Variants in SGCD observed in about 807,000 individuals in gnomAD.
The protein encoded by SGCD is sarcoglycan delta, also known as delta-sarcoglycan.
A neutral mutation model predicts 36.6 loss-of-function variants in SGCD; 18 were observed. That is an observed-to-expected ratio of 0.49 (90% CI 0.34 to 0.73). SGCD has a LOEUF of 0.73. SGCD is among the 30% of genes least tolerant of loss of function. The probability of loss-of-function intolerance (pLI) is 0.01; values close to 1 mark genes in which losing one functional copy is unlikely to be tolerated. For missense variants in SGCD, 387 were observed against 346.7 expected, an observed-to-expected ratio of 1.12 and a Z score of -0.92; for synonymous variants, 133 against 130.6, an observed-to-expected ratio of 1.02 and a Z score of -0.12.
chr5:156,115,249 G>A (rs1264498889), intron 1 of SGCD, among the ~76,000 whole-genome samples: 2 of 152,046 alleles, frequency 1.3e-5, no homozygotes, highest in African/African-American at 4.8e-5. Context: ...ACCCTGAGAG[G>A]AGGACTATTA....
chr5:156,142,372 C>A (rs189129276), intron 3 of SGCD, among the ~76,000 whole-genome samples: 2 of 152,154 alleles, frequency 1.3e-5, no homozygotes, highest in Non-Finnish European at 2.9e-5. Flanking sequence ...AAATTGGTAT[C>A]AAGAAGTGGG....
intron 1 of SGCD, among the ~76,000 whole-genome samples, chr5:156,110,041 G>A (rs1761747029): frequency 6.6e-6 from 1 of 152,054 alleles, no homozygotes; most frequent in African/African-American, 2.4e-5. Flanking sequence ...CTCTGCTTTG[G>A]GGGTCAGTGA....
At chr5:156,095,170 T>C (rs1169484417) in intron 1 of SGCD, among the ~76,000 whole-genome samples, 1 of 144,522 alleles carries the variant, frequency 6.9e-6, no homozygotes, top group Non-Finnish European at 1.5e-5. Context: ...CAGTCTGACT[T>C]TGCACAACCT....
intron 4 of SGCD, among the ~76,000 whole-genome samples, chr5:156,581,882 T>G (rs1760276892): frequency 6.6e-6 from 1 of 152,162 alleles, no homozygotes; most frequent in Non-Finnish European, 1.5e-5. Context: ...GCTTCCCTGG[T>G]GAGGCGATGC....
intron 1 of SGCD, among the ~76,000 whole-genome samples, chr5:156,025,866 G>A (rs1759216935): frequency 6.6e-6 from 1 of 152,208 alleles, no homozygotes; most frequent in South Asian, 2.1e-4. Flanking sequence ...CCATCTGGTG[G>A]TAGTTTTGTT....
At chr5:156,211,110 T>G (rs1047669058) in intron 3 of SGCD, among the ~76,000 whole-genome samples, 3 of 152,082 alleles carry the variant, frequency 2.0e-5, no homozygotes. Context: ...AGCAGATTTC[T>G]CAGCAGAAAT....
chr5:156,379,001 T>C (rs1206031280), intron 3 of SGCD, among the ~76,000 whole-genome samples: 1 of 152,198 alleles, frequency 6.6e-6, no homozygotes, highest in Non-Finnish European at 1.5e-5. Context: ...AATGTTTGCA[T>C]CTACTTCCAT....
intron 1 of SGCD, among the ~76,000 whole-genome samples, chr5:156,075,853 A>G (rs1015219541): frequency 1.3e-5 from 2 of 152,166 alleles, no homozygotes; most frequent in Admixed American, 1.3e-4. Context: ...ATCATTTTCT[A>G]CTTGCAGCTC....
At chr5:156,421,287 T>C (rs563026748) in intron 3 of SGCD, among the ~76,000 whole-genome samples, 1 of 152,208 alleles carries the variant, frequency 6.6e-6, no homozygotes, top group Non-Finnish European at 1.5e-5. Flanking sequence ...AAGGATTTTC[T>C]CTTAGATCGT....
chr5:155,932,533 A>G (rs972516265), intron 1 of SGCD, among the ~76,000 whole-genome samples: 1 of 152,208 alleles, frequency 6.6e-6, no homozygotes, highest in Non-Finnish European at 1.5e-5. Context: ...GTTTTAGTTC[A>G]TAGATACTTT....
chr5:156,254,470 G>A (rs146953946), intron 3 of SGCD, among the ~76,000 whole-genome samples: 9 of 152,192 alleles, frequency 5.9e-5, no homozygotes, highest in African/African-American at 2.2e-4. Context: ...GAAATTGTGT[G>A]GATTTTTTCC....
intron 1 of SGCD, among the ~76,000 whole-genome samples, chr5:155,984,360 A>C (rs969891686): frequency 3.3e-5 from 5 of 152,106 alleles, no homozygotes; most frequent in African/African-American, 1.2e-4. Flanking sequence ...TTCGTGATCT[A>C]AAATGTGGAG....
At chr5:155,916,337 C>T (rs553935989) in intron 1 of SGCD, among the ~76,000 whole-genome samples, 4 of 152,184 alleles carry the variant, frequency 2.6e-5, no homozygotes, top group Admixed American at 6.5e-5. Flanking sequence ...ATTCTGCTTA[C>T]GTTTTAGTGG....
chr5:155,728,565 C>T, the SGCD span, among the ~76,000 whole-genome samples: 8 of 152,210 alleles, frequency 5.3e-5, no homozygotes, highest in African/African-American at 1.9e-4. Flanking sequence ...CTACTGGGGG[C>T]TCTAAGCAGC....
At chr5:156,394,181 G>A (rs1182493571) in intron 3 of SGCD, among the ~76,000 whole-genome samples, 1 of 152,180 alleles carries the variant, frequency 6.6e-6, no homozygotes, top group Non-Finnish European at 1.5e-5. Flanking sequence ...GATCAAGGAT[G>A]GGAAGCTTTG....
At chr5:156,680,266 A>T (rs949247483) in intron 7 of SGCD, among the ~76,000 whole-genome samples, 6 of 152,078 alleles carry the variant, frequency 3.9e-5, no homozygotes, top group Admixed American at 3.9e-4. Context: ...TTGGAACCAA[A>T]GTTTCCTGAC....
chr5:156,208,508 T>A (rs1467733098), intron 3 of SGCD, among the ~76,000 whole-genome samples: 1 of 152,198 alleles, frequency 6.6e-6, no homozygotes, highest in Non-Finnish European at 1.5e-5. Flanking sequence ...AGGATGTGGG[T>A]GATATAGGTG....
chr5:156,654,292 T>C (rs1763589002), intron 7 of SGCD, among the ~76,000 whole-genome samples: 1 of 152,072 alleles, frequency 6.6e-6, no homozygotes, highest in Admixed American at 6.6e-5. Context: ...GAACATAGAA[T>C]GGTCTGGGAG....
At chr5:156,563,845 C>A (rs987890852) in intron 4 of SGCD, among the ~76,000 whole-genome samples, 3 of 151,706 alleles carry the variant, frequency 2.0e-5, no homozygotes, top group African/African-American at 7.3e-5. Flanking sequence ...CATACAATGC[C>A]TAATGAAAGC....
Sources: gnomAD v4.1 joint callset for allele counts (sites outside exome capture counted in the v4.1 genomes callset) on GRCh38, gnomAD v4.1.1 for gene constraint, MANE v1.5 for transcripts, NCBI Gene and HGNC (gene_info 2026-07-23, HGNC 2026-07-21) for gene names.